CREB5: variants seen among roughly 807,000 people sequenced by gnomAD.
CREB5 encodes cyclic AMP-responsive element-binding protein 5.
In CREB5, 19 loss-of-function variants were observed where a neutral mutation model predicts 57.1. The observed-to-expected ratio is 0.33, with a 90% CI of 0.23 to 0.49. The LOEUF is 0.49. Among genes scored for constraint, CREB5 ranks in the 20% least tolerant of loss-of-function variants. The probability of loss-of-function intolerance (pLI) is 0.99; values close to 1 mark genes in which losing one functional copy is unlikely to be tolerated. For synonymous variants in CREB5, 238 were observed against 238.3 expected (o/e 1.00, Z 0.01); for missense variants, 579 against 671.6 (o/e 0.86, Z 1.52).
chr7:28,675,669 G>A (rs540992381), intron 5 of CREB5, among the ~76,000 whole-genome samples: 9 of 152,196 alleles, frequency 5.9e-5, no homozygotes, highest in Admixed American at 4.6e-4. Context: ...AAATTAAGAC[G>A]GAACTGCCTC....
At chr7:28,684,028 A>G (rs1800727549) in intron 5 of CREB5, among the ~76,000 whole-genome samples, 1 of 152,220 alleles carries the variant, frequency 6.6e-6, no homozygotes, top group African/African-American at 2.4e-5. Flanking sequence ...AGGGAAAGTG[A>G]AAGTCCATAG....
intron 7 of CREB5, among the ~76,000 whole-genome samples, chr7:28,780,626 G>A (rs1806918998): frequency 1.3e-5 from 2 of 152,104 alleles, no homozygotes; most frequent in South Asian, 4.1e-4. Context: ...GGTGGCTGAG[G>A]CACGAGAATC....
Position 28,433,258 on chromosome 7 carries a change from C to T in CREB5, c.3+20341C>T, listed in dbSNP as rs55795455. Among the ~76,000 whole-genome samples the T allele has an allele frequency of 9.8e-3, 1,495 of 152,272 alleles. 15 individuals carry two copies. Among genetic ancestry groups the T allele is most frequent in the Non-Finnish European group, 0.017 (1,126 of 68,020 alleles). On this transcript the variant is annotated intron_variant, in intron 1 of 10. Transcript: ENST00000357727. ...CTTGTACTGATTGCCCCACGAATAT[C>T]CAGGCTATGCAATAGTGCCTATCAC...
At chr7:28,570,729 C>G (rs575224753) in intron 5 of CREB5, among the ~76,000 whole-genome samples, 192 bp downstream of exon 5, 1 of 152,092 alleles carries the variant, frequency 6.6e-6, no homozygotes, top group East Asian at 1.9e-4. Context: ...TGATCTTGGA[C>G]TTTGGGTGGT....
chr7:28,743,195 C>T (rs1804476784), intron 7 of CREB5, among the ~76,000 whole-genome samples: 1 of 152,136 alleles, frequency 6.6e-6, no homozygotes, highest in Non-Finnish European at 1.5e-5. Context: ...CAAAACATGG[C>T]AGGGAGGAAA....
intron 5 of CREB5, among the ~76,000 whole-genome samples, chr7:28,653,977 C>T (rs544182136): frequency 2.6e-5 from 4 of 152,328 alleles, no homozygotes; most frequent in South Asian, 4.1e-4. Context: ...CTGACAGCTA[C>T]CTGTCACTTG....
At chr7:28,475,525 G>A (rs1322268330) in intron 1 of CREB5, among the ~76,000 whole-genome samples, 2 of 151,946 alleles carry the variant, frequency 1.3e-5, no homozygotes, top group African/African-American at 2.4e-5. Context: ...TTAAGATTAA[G>A]AAAATGTAGT....
chr7:28,442,811 A>C lies in CREB5; in HGVS notation c.3+29894A>C, dbSNP rs74680626. Reference sequence around the variant, plus strand: ...CTTGAGTCAGTATCACTCATCATTGAGTCTCTTAATATTGTTAAGATCACT... The same window carrying C: ...CTTGAGTCAGTATCACTCATCATTGCGTCTCTTAATATTGTTAAGATCACT... On this transcript the variant is annotated intron_variant, in intron 1 of 10. Coordinates refer to ENST00000357727, the MANE Select transcript of CREB5 (RefSeq NM_182898.4). 4.7e-3 allele frequency among the ~76,000 whole-genome samples: 723 copies of C among 152,296 alleles called. 4 individuals carry two copies. Among genetic ancestry groups the C allele is most frequent in the African/African-American group, 0.016 (672 of 41,558 alleles).
chr7:28,331,848 C>CAAAAAAAAA (rs145837781), intron 1 of CREB5, among the ~76,000 whole-genome samples: 1 of 75,592 alleles, frequency 1.3e-5, no homozygotes, highest in Non-Finnish European at 2.6e-5. Context: ...AACTCCATCT[C>CAAAAAAAAA]AAAAAAAAAA....
chr7:28,685,007 A>T (rs940781613), intron 5 of CREB5, among the ~76,000 whole-genome samples: 1 of 152,084 alleles, frequency 6.6e-6, no homozygotes, highest in African/African-American at 2.4e-5. Flanking sequence ...CTTCACTGTC[A>T]TTTGTGAAGG....
upstream of CREB5, chr7:28,409,817 C>T (rs1315611023): frequency 6.7e-6 from 3 of 449,664 alleles, no homozygotes; most frequent in African/African-American, 2.0e-5. This position sits in a 1 kb window ranked among gnomAD's most constrained non-coding sequence, Gnocchi z 4.4. Flanking sequence ...GTCCGCCCGG[C>T]GTGCGTGCGT....
intron 4 of CREB5, among the ~76,000 whole-genome samples, chr7:28,547,188 T>A (rs2128631404): frequency 6.6e-6 from 1 of 152,352 alleles, no homozygotes; most frequent in Middle Eastern, 3.4e-3. Context: ...TAGGGACATT[T>A]AGTCTATGCG....
At chr7:28,710,430 A>G (rs935357137) in intron 5 of CREB5, among the ~76,000 whole-genome samples, 1 of 152,252 alleles carries the variant, frequency 6.6e-6, no homozygotes, top group African/African-American at 2.4e-5. Context: ...ACAGGTAGAC[A>G]TAATATCAGA....
chr7:28,793,607 G>A (rs1038379542), intron 7 of CREB5, among the ~76,000 whole-genome samples: 3 of 152,220 alleles, frequency 2.0e-5, no homozygotes, highest in Non-Finnish European at 4.4e-5. Flanking sequence ...GATGCCCTCT[G>A]GGAATGGAGC....
At chr7:28,604,550 A>T (rs75792931) in intron 5 of CREB5, among the ~76,000 whole-genome samples, 1 of 152,032 alleles carries the variant, frequency 6.6e-6, no homozygotes, top group South Asian at 2.1e-4. Flanking sequence ...AATGTATCCA[A>T]TTGAGGAACT....
intron 5 of CREB5, among the ~76,000 whole-genome samples, chr7:28,605,054 A>G (rs933788167): frequency 2.0e-5 from 3 of 152,086 alleles, no homozygotes; most frequent in African/African-American, 7.2e-5. Flanking sequence ...TAAAAAAAAG[A>G]GATAACATTG....
At chr7:28,451,495 TG>T (rs1175641871) in intron 1 of CREB5, among the ~76,000 whole-genome samples, 3 of 148,174 alleles carry the variant, frequency 2.0e-5, no homozygotes, top group Non-Finnish European at 3.0e-5. Context: ...TGTGTGTGTT[TG>T]TCTATATCTA....
chr7:28,666,299 G>A (rs1163391521), intron 5 of CREB5, among the ~76,000 whole-genome samples: 7 of 152,080 alleles, frequency 4.6e-5, no homozygotes, highest in African/African-American at 7.2e-5. Context: ...TCCCCAATGA[G>A]TAATGTGGCC....
chr7:28,328,452 G>A (rs1202708103), intron 1 of CREB5, among the ~76,000 whole-genome samples: 1 of 152,156 alleles, frequency 6.6e-6, no homozygotes, highest in African/African-American at 2.4e-5. Context: ...CTTCAAACAA[G>A]GTGTGTGAAT....
Sources: allele counts gnomAD v4.1 joint callset (sites outside exome capture counted in the v4.1 genomes callset), GRCh38; gene constraint gnomAD v4.1.1; non-coding constraint Gnocchi (gnomAD v3.1); transcripts MANE v1.5; gene names NCBI Gene and HGNC (gene_info 2026-07-23, HGNC 2026-07-21).